Variants in TRAP1 observed in about 807,000 individuals in gnomAD.
The protein encoded by TRAP1 is heat shock protein 75 kDa, mitochondrial.
Under a neutral mutation model 89.1 loss-of-function variants are expected in TRAP1, and 102 were observed. The ratio of observed to expected loss-of-function variants is 1.15; its 90% CI spans 0.98 to 1.35. The LOEUF is 1.35. TRAP1 is among the 40% of genes most tolerant of loss of function. TRAP1 has a pLI of 0.00. For missense variants in TRAP1, 1,256 were observed against 945.3 expected, an observed-to-expected ratio of 1.33 and a Z score of -4.31; for synonymous variants, 508 against 388.0, an observed-to-expected ratio of 1.31 and a Z score of -3.64.
chr16:3,698,598 G>C (rs112272129), intron 1 of TRAP1, among the ~76,000 whole-genome samples: 1 of 150,330 alleles, frequency 6.7e-6, no homozygotes, highest in Non-Finnish European at 1.5e-5. Context: ...CACCGCGCCC[G>C]GCTTCTACAA....
chr16:3,688,780 G>A (rs1173865447), intron 3 of TRAP1, among the ~76,000 whole-genome samples: 1 of 152,096 alleles, frequency 6.6e-6, no homozygotes, highest in East Asian at 1.9e-4. Context: ...CACCACACCA[G>A]GCCTGTATTT....
intron 12 of TRAP1, 199 bp from the exon 13 acceptor site, chr16:3,664,658 GGGCTT>G: frequency 1.7e-6 from 1 of 586,920 alleles, no homozygotes; most frequent in Non-Finnish European, 2.9e-6. Flanking sequence ...GGAGCTCTGG[GGGCTT>G]AGGAAGCACC....
At chr16:3,667,334 G>T (rs2050848508) in intron 11 of TRAP1, among the ~76,000 whole-genome samples, 1 of 152,074 alleles carries the variant, frequency 6.6e-6, no homozygotes, top group South Asian at 2.1e-4. Flanking sequence ...ACCGTGCTAA[G>T]AATAATCAAC....
chr16:3,696,964 T>C (rs1174453684), intron 1 of TRAP1, among the ~76,000 whole-genome samples: 1 of 152,130 alleles, frequency 6.6e-6, no homozygotes, highest in East Asian at 1.9e-4. Flanking sequence ...TGAGCTCAAG[T>C]GATCCCCCGG....
At chr16:3,685,893 G>C in intron 4 of TRAP1, 103 bp downstream of exon 4, 1 of 1,362,336 alleles carries the variant, frequency 7.3e-7, no homozygotes, top group South Asian at 1.4e-5. Flanking sequence ...CTGGTGGTAC[G>C]GACGGCCAGT....
At chr16:3,670,111 A>T (rs936448654) in intron 11 of TRAP1, among the ~76,000 whole-genome samples, 1 of 151,824 alleles carries the variant, frequency 6.6e-6, no homozygotes. Context: ...GGCCGGGCGC[A>T]GTGGCTCAAA....
intron 1 of TRAP1, among the ~76,000 whole-genome samples, chr16:3,701,271 C>T (rs573642755): frequency 1.2e-4 from 18 of 152,138 alleles, no homozygotes; most frequent in Non-Finnish European, 1.6e-4. Context: ...TGTGTATTTG[C>T]CTAATAACAG....
intron 1 of TRAP1, among the ~76,000 whole-genome samples, chr16:3,711,531 G>A (rs1007451728): frequency 1.3e-5 from 2 of 151,932 alleles, no homozygotes; most frequent in African/African-American, 4.8e-5. Context: ...CCCGGGAGGT[G>A]GAGATTGCAG....
At position 3,658,258 on chromosome 16, in the gene TRAP1, TGA is replaced by T. The variant is rs775099389; in HGVS notation, c.2014-30_2014-29del. 3 of 1,567,750 alleles carry T rather than the reference TGA, an allele frequency of 1.9e-6. No individual in the cohort carries two copies. In the Admixed American group the frequency reaches 5.2e-5, roughly 27 times the overall value. ...GAAAGGCAAGAGGAGAAACCCATTA[TGA>T]GGGGCATGGGGCACCTTTTCATTTT... On this transcript the variant is annotated intron_variant, in intron 17 of 17. Coordinates refer to ENST00000246957, the MANE Select transcript of TRAP1 (RefSeq NM_016292.3).
At chr16:3,665,613 G>A (rs2050813176) in intron 12 of TRAP1, 1 of 242,262 alleles carries the variant, frequency 4.1e-6, no homozygotes, top group East Asian at 1.0e-4. Flanking sequence ...CCCACCCACG[G>A]GATCGGAGTC....
intron 1 of TRAP1, among the ~76,000 whole-genome samples, chr16:3,710,733 A>C (rs992996285): frequency 3.3e-5 from 5 of 151,970 alleles, no homozygotes; most frequent in African/African-American, 1.2e-4. Flanking sequence ...CGACACACAT[A>C]GTTACATTAG....
intron 1 of TRAP1, among the ~76,000 whole-genome samples, chr16:3,697,891 C>A (rs1456519975): frequency 6.6e-6 from 1 of 151,302 alleles, no homozygotes; most frequent in Non-Finnish European, 1.5e-5. Context: ...CAGGTTCAAG[C>A]AATTCTCCTG....
intron 1 of TRAP1, among the ~76,000 whole-genome samples, chr16:3,702,180 G>A (rs1313290236): frequency 6.6e-6 from 1 of 151,984 alleles, no homozygotes; most frequent in Non-Finnish European, 1.5e-5. Context: ...TGCTGTCGAT[G>A]TTGAGGTCAC....
At chr16:3,671,420 C>CT (rs1156986254) in intron 11 of TRAP1, among the ~76,000 whole-genome samples, 1 of 152,202 alleles carries the variant, frequency 6.6e-6, no homozygotes, top group Non-Finnish European at 1.5e-5. Context: ...CAGGGCTGGC[C>CT]TGCTGCAGGG....
At chr16:3,660,712 A>AAGTT (rs1189566075) in intron 16 of TRAP1, 4 of 152,166 alleles carry the variant, frequency 2.6e-5, no homozygotes, top group African/African-American at 7.2e-5. Flanking sequence ...ATAATTTTAA[A>AAGTT]AGTTATGGTT....
intron 6 of TRAP1, chr16:3,676,385 G>A (rs1052726765): frequency 2.2e-5 from 4 of 184,842 alleles, no homozygotes; most frequent in Admixed American, 1.4e-4. Context: ...CGGGGGGGCG[G>A]GGGTCCTCCA....
intron 1 of TRAP1, among the ~76,000 whole-genome samples, chr16:3,709,032 G>C (rs911914750): frequency 1.3e-5 from 2 of 151,670 alleles, no homozygotes; most frequent in African/African-American, 4.8e-5. Context: ...AGCCAGGATG[G>C]TCTCGATCTC....
chr16:3,707,651 C>T (rs950128348), intron 1 of TRAP1, among the ~76,000 whole-genome samples: 7 of 149,912 alleles, frequency 4.7e-5, no homozygotes, highest in Admixed American at 1.3e-4. Flanking sequence ...GTCAGGAGTT[C>T]GAGACCAGCC....
intron 1 of TRAP1, among the ~76,000 whole-genome samples, chr16:3,703,286 C>A (rs1286539171): frequency 6.6e-6 from 1 of 151,376 alleles, no homozygotes; most frequent in East Asian, 1.9e-4. Flanking sequence ...CATTAAATAA[C>A]CCACTTAAGA....
Sources: gnomAD v4.1 joint callset for allele counts (sites outside exome capture counted in the v4.1 genomes callset) on GRCh38, gnomAD v4.1.1 for gene constraint, MANE v1.5 for transcripts, NCBI Gene and HGNC (gene_info 2026-07-23, HGNC 2026-07-21) for gene names.